Variants in PPP2R3C observed in about 807,000 individuals in gnomAD.
PPP2R3C encodes serine/threonine-protein phosphatase 2A regulatory subunit B'' subunit gamma.
A neutral mutation model predicts 63.7 loss-of-function variants in PPP2R3C; 47 were observed. That is an observed-to-expected ratio of 0.74 (90% CI 0.58 to 0.94). The LOEUF is 0.94. PPP2R3C is among the 40% of genes least tolerant of loss of function. The pLI, the probability that PPP2R3C is intolerant of heterozygous loss-of-function variation, is 0.00. For missense variants in PPP2R3C, 421 were observed against 518.4 expected (o/e 0.81, Z 1.82); for synonymous variants, 180 against 177.4 (o/e 1.01, Z -0.12).
chr14:35,107,470 G>A (rs2046400810), intron 5 of PPP2R3C, 96 bp from the exon 6 acceptor site: 1 of 968,566 alleles, frequency 1.0e-6, no homozygotes, highest in Non-Finnish European at 1.6e-6. Context: ...AGCTAATCTA[G>A]TAACTCTAAA....
chr14:35,114,369 T>C (rs1405620023), intron 2 of PPP2R3C, among the ~76,000 whole-genome samples: 1 of 152,192 alleles, frequency 6.6e-6, no homozygotes, highest in Non-Finnish European at 1.5e-5. Flanking sequence ...TATAGTATTA[T>C]AGGAAGGTTT....
intron 1 of PPP2R3C, 193 bp downstream of exon 1, chr14:35,121,709 T>C (rs2046902565): frequency 3.3e-6 from 2 of 597,262 alleles, no homozygotes; most frequent in Non-Finnish European, 5.9e-6. Flanking sequence ...TTCGTTCCTC[T>C]AGATTCTGCC....
rs2045657843 is a variant in PPP2R3C, at chr14:35,087,760, C to T, written c.1173+191G>A. The T allele has an allele frequency of 3.4e-5, 19 of 552,386 alleles. No individual in the cohort carries two copies. In the East Asian group the frequency reaches 5.8e-4, roughly 17 times the overall value. The allele number at this position is 552,386 out of a possible 1,614,324, so 34.2% of individuals were successfully genotyped here. A position where few individuals can be genotyped will look rare whatever the true frequency, so the allele number is the denominator to read the frequency against. ...CAATGAAAACATAATGATGACAATA[C>T]TAAAATTATAAACTACATAAATAGT... is the stretch of plus-strand genomic sequence containing the variant. On this transcript the variant is annotated intron_variant, in intron 12 of 12. Transcript: ENST00000261475.
chr14:35,101,716 T>C (rs1292019602), intron 6 of PPP2R3C: 1 of 152,216 alleles, frequency 6.6e-6, no homozygotes, highest in East Asian at 1.9e-4. Flanking sequence ...TTGTTTCTTA[T>C]GATTAAGAAG....
At chr14:35,096,408 A>C (rs764980846) in intron 9 of PPP2R3C, 150 bp downstream of exon 9, 5 of 759,474 alleles carry the variant, frequency 6.6e-6, no homozygotes, top group Non-Finnish European at 1.1e-5. Context: ...TATTTAAACA[A>C]GTAAATTTTG....
chr14:35,095,980 T>C (rs920621775), intron 9 of PPP2R3C, among the ~76,000 whole-genome samples: 13 of 151,606 alleles, frequency 8.6e-5, no homozygotes, highest in Non-Finnish European at 1.6e-4. Flanking sequence ...CTAATGTTCA[T>C]AATGATGCTC....
At chr14:35,090,186 A>G (rs1305094995) in intron 11 of PPP2R3C, among the ~76,000 whole-genome samples, 1 of 151,956 alleles carries the variant, frequency 6.6e-6, no homozygotes, top group Non-Finnish European at 1.5e-5. Context: ...TAAGCAGTTC[A>G]GAAAAGGTAG....
At chr14:35,096,442 A>G (rs1408767844) in intron 9 of PPP2R3C, 116 bp downstream of exon 9, 3 of 970,992 alleles carry the variant, frequency 3.1e-6, no homozygotes, top group Non-Finnish European at 4.7e-6. Flanking sequence ...CTAAAGCTTA[A>G]GGTAATTAAA....
chr14:35,098,971 C>G, intron 7 of PPP2R3C: 1 of 230,038 alleles, frequency 4.3e-6, no homozygotes, highest in Non-Finnish European at 8.2e-6. Flanking sequence ...GTATTTATGA[C>G]TGACTACCCA....
intron 11 of PPP2R3C, 86 bp from the exon 12 acceptor site, chr14:35,088,096 T>A (rs958235843): frequency 1.1e-6 from 1 of 928,934 alleles, no homozygotes; most frequent in Non-Finnish European, 1.7e-6. Context: ...CTACTTATAC[T>A]TCCTTTCCTA....
intron 7 of PPP2R3C, among the ~76,000 whole-genome samples, 198 bp from the exon 8 acceptor site, chr14:35,096,962 C>G (rs1307171682): frequency 1.3e-5 from 2 of 152,140 alleles, no homozygotes; most frequent in Admixed American, 1.3e-4. Flanking sequence ...CCGCGTAATT[C>G]CAGCACTTTG....
In PPP2R3C at chr14:35,088,003, T is replaced by G. The variant is rs756130689; in HGVS notation, c.1121A>C (p.Gln374Pro). 6.3e-7 allele frequency: 1 copy of G among 1,586,280 alleles called. No individual in the cohort carries two copies. The highest frequency in any genetic ancestry group is 1.1e-5 in the South Asian group (1 of 90,424). ...FSLNYFFRAI[Q>P]ELMKIHGQDP... ...TTGTCCATGGATTTTCATTAGTTCC[T>G]GTATGGCCTGTATTTAATAGAAATA... Residue 374 changes from glutamine to proline, a missense_variant, in exon 12 of 13, where the codon CAG (glutamine) becomes CCG (proline). Coordinates refer to ENST00000261475, the MANE Select transcript of PPP2R3C (RefSeq NM_017917.4).
chr14:35,119,858 T>TG (rs1226120916), intron 1 of PPP2R3C, among the ~76,000 whole-genome samples: 1 of 147,174 alleles, frequency 6.8e-6, no homozygotes, highest in Non-Finnish European at 1.5e-5. Context: ...TCTTTTTTTT[T>TG]TTTTTTTTTT....
At chr14:35,119,953 G>A (rs569308726) in intron 1 of PPP2R3C, among the ~76,000 whole-genome samples, 195 of 147,410 alleles carry the variant, frequency 1.3e-3, no homozygotes, top group African/African-American at 4.5e-3. Context: ...CCGGGTTCAC[G>A]CCATTCTCCT....
chr14:35,122,273 C>T, upstream of PPP2R3C: 1 of 359,770 alleles, frequency 2.8e-6, no homozygotes, highest in Non-Finnish European at 5.3e-6. Context: ...TTATCGTGTG[C>T]CTTTGGCGCG....
intron 5 of PPP2R3C, 140 bp downstream of exon 5, chr14:35,107,999 A>G: frequency 7.9e-7 from 1 of 1,266,202 alleles, no homozygotes; most frequent in Non-Finnish European, 1.0e-6. Flanking sequence ...AGTTTATGTA[A>G]CACATCTTGG....
chr14:35,096,875 C>T (rs1390248209), intron 7 of PPP2R3C, 111 bp from the exon 8 acceptor site: 9 of 1,024,596 alleles, frequency 8.8e-6, no homozygotes, highest in Non-Finnish European at 1.1e-5. Flanking sequence ...TATTTTAAAG[C>T]TTCTAGCTCT....
intron 12 of PPP2R3C, chr14:35,087,231 TTTTGTAGTAAAATAACTACAAAA>T (rs2045634439): frequency 6.6e-6 from 1 of 152,196 alleles, no homozygotes; most frequent in Non-Finnish European, 1.5e-5. Flanking sequence ...TTTCTAATCT[TTTTGTAGTAAAATAACTACAAAA>T]TTTGTAGTAA....
At position 35,112,615 on chromosome 14, in the gene PPP2R3C, C is replaced by T. The variant is rs541498359; in HGVS notation, c.187-1986G>A. 8.3e-4 allele frequency among the ~76,000 whole-genome samples: 127 copies of T among 152,214 alleles called. 2 individuals are homozygous for T. Among genetic ancestry groups the T allele is most frequent in the Non-Finnish European group, 1.7e-3 (118 of 68,010 alleles). ...GCCCCCCAACCATCTGAATGGACTTCCTCCTCAGTCAGCGCCCTTAAAATT... is the reference window on the plus strand; with the variant it reads ...GCCCCCCAACCATCTGAATGGACTTTCTCCTCAGTCAGCGCCCTTAAAATT... On this transcript the variant is annotated intron_variant, in intron 2 of 12. Coordinates refer to ENST00000261475, the MANE Select transcript of PPP2R3C (RefSeq NM_017917.4).
Sources: gnomAD v4.1 joint callset for allele counts (sites outside exome capture counted in the v4.1 genomes callset) on GRCh38, gnomAD v4.1.1 for gene constraint, MANE v1.5 for transcripts, NCBI Gene and HGNC (gene_info 2026-07-23, HGNC 2026-07-21) for gene names.